Variants in CADM2 observed in about 807,000 individuals in gnomAD.
The protein encoded by CADM2 is immunoglobulin superfamily member 4D.
CADM2 carries 12 observed loss-of-function variants against 49.8 expected under a neutral mutation model. That is an observed-to-expected ratio of 0.24 (90% CI 0.15 to 0.39). CADM2 has a LOEUF of 0.39. Among genes scored for constraint, CADM2 ranks in the 10% least tolerant of loss-of-function variants. CADM2 has a pLI of 1.00. For synonymous variants in CADM2, 214 were observed against 175.4 expected, an observed-to-expected ratio of 1.22 and a Z score of -1.74; for missense variants, 378 against 492.3, an observed-to-expected ratio of 0.77 and a Z score of 2.20.
In CADM2 at chr3:85,204,138, T is replaced by G. The variant is rs577455906; in HGVS notation, c.61+244470T>G. ...CAACAATTTAAATAATCCCTCAGAA[T>G]TTAGTTTTTTCATTGTTTTTAAAAA... On this transcript the variant is annotated intron_variant, in intron 1 of 9. Transcript: ENST00000383699. Among the ~76,000 whole-genome samples, 316 of 152,298 alleles carry G rather than the reference T, an allele frequency of 2.1e-3. 1 individual carries two copies. Among genetic ancestry groups the G allele is most frequent in the African/African-American group, 7.2e-3 (299 of 41,590 alleles).
intron 1 of CADM2, among the ~76,000 whole-genome samples, chr3:85,635,185 A>G (rs1483181170): frequency 6.6e-6 from 1 of 152,148 alleles, no homozygotes. Context: ...TTTAAAAAAT[A>G]CAATCTCATG....
At chr3:85,974,550 G>A (rs181280239) in intron 8 of CADM2, among the ~76,000 whole-genome samples, 74 of 151,700 alleles carry the variant, frequency 4.9e-4, no homozygotes, top group African/African-American at 1.7e-3. Flanking sequence ...TCAGAGTCAC[G>A]CAGGTTAAGC....
At chr3:85,911,060 A>G (rs976171308) in intron 5 of CADM2, among the ~76,000 whole-genome samples, 2 of 152,106 alleles carry the variant, frequency 1.3e-5, no homozygotes, top group Non-Finnish European at 2.9e-5. Context: ...TAAATTACTT[A>G]ATATAAGTTA....
chr3:85,668,018 T>C (rs1212974891), intron 1 of CADM2, among the ~76,000 whole-genome samples: 3 of 152,010 alleles, frequency 2.0e-5, no homozygotes, highest in Non-Finnish European at 2.9e-5. Flanking sequence ...TGTTGACTCA[T>C]AGTAGACCTT....
intron 1 of CADM2, among the ~76,000 whole-genome samples, chr3:85,406,919 G>T: frequency 6.6e-6 from 1 of 152,120 alleles, no homozygotes; most frequent in East Asian, 1.9e-4. Flanking sequence ...AATACGACCA[G>T]GGTACAGTGG....
chr3:86,014,288 T>C (rs1731931938), intron 8 of CADM2: 1 of 1,343,258 alleles, frequency 7.4e-7, no homozygotes, highest in African/African-American at 1.5e-5. Context: ...TTACTATTGT[T>C]GTTCTTAAAA....
intron 1 of CADM2, among the ~76,000 whole-genome samples, chr3:85,272,234 T>C (rs1410689764): frequency 6.6e-6 from 1 of 151,124 alleles, no homozygotes; most frequent in African/African-American, 2.4e-5. Context: ...GAAAAGAAAA[T>C]CCTTTCCTCA....
At chr3:85,460,903 T>C (rs2038216279) in intron 1 of CADM2, among the ~76,000 whole-genome samples, 1 of 152,174 alleles carries the variant, frequency 6.6e-6, no homozygotes, top group South Asian at 2.1e-4. Context: ...AAATTGTTCC[T>C]TGTTGCAATG....
intron 1 of CADM2, among the ~76,000 whole-genome samples, chr3:85,068,295 T>C (rs181370006): frequency 1.5e-3 from 223 of 152,224 alleles, no homozygotes; most frequent in African/African-American, 5.0e-3. Context: ...TATTTATCCA[T>C]CATTTCCTCA....
At chr3:85,978,095 G>C (rs1197149804) in intron 8 of CADM2, among the ~76,000 whole-genome samples, 1 of 151,582 alleles carries the variant, frequency 6.6e-6, no homozygotes, top group Non-Finnish European at 1.5e-5. Flanking sequence ...CCTCAGCACA[G>C]TAATTATTGG....
intron 1 of CADM2, among the ~76,000 whole-genome samples, chr3:85,423,438 T>A (rs2036265358): frequency 6.6e-6 from 1 of 152,144 alleles, no homozygotes; most frequent in Non-Finnish European, 1.5e-5. Context: ...TGTATCAATG[T>A]GACTAATTAA....
chr3:85,854,718 G>C (rs1017407266), intron 3 of CADM2, among the ~76,000 whole-genome samples: 1 of 152,056 alleles, frequency 6.6e-6, no homozygotes, highest in Non-Finnish European at 1.5e-5. Context: ...TATATAGCAT[G>C]TGTATACCTA....
At chr3:85,531,829 G>A (rs1252387355) in intron 1 of CADM2, among the ~76,000 whole-genome samples, 1 of 152,114 alleles carries the variant, frequency 6.6e-6, no homozygotes, top group Admixed American at 6.6e-5. Context: ...AATTGCTTGT[G>A]ATAATCCCCA....
intron 1 of CADM2, among the ~76,000 whole-genome samples, chr3:85,520,516 A>G (rs2061006393): frequency 6.6e-6 from 1 of 152,004 alleles, no homozygotes. Context: ...TGATACAGAA[A>G]CTTTATTTGC....
At chr3:85,419,785 C>A (rs1212729829) in intron 1 of CADM2, among the ~76,000 whole-genome samples, 1 of 152,076 alleles carries the variant, frequency 6.6e-6, no homozygotes, top group Non-Finnish European at 1.5e-5. Flanking sequence ...AATAAACCTG[C>A]CTTTTTATCA....
At chr3:85,898,516 A>G (rs1715585436) in intron 5 of CADM2, among the ~76,000 whole-genome samples, 1 of 151,438 alleles carries the variant, frequency 6.6e-6, no homozygotes, top group Non-Finnish European at 1.5e-5. Flanking sequence ...ACAATAGATT[A>G]GTTTGCATTT....
At position 84,977,225 on chromosome 3, in the gene CADM2, G is replaced by T. The variant is rs144876201; in HGVS notation, c.61+17557G>T. Among the ~76,000 whole-genome samples, 148 of 152,026 alleles carry T rather than the reference G, an allele frequency of 9.7e-4. No individual in the cohort carries two copies. In the East Asian group the frequency reaches 0.028, roughly 28 times the overall value. On this transcript the variant is annotated intron_variant, in intron 1 of 9. Coordinates refer to ENST00000383699, the MANE Select transcript of CADM2 (RefSeq NM_001167675.2). ...TTTATAGCTGATATCAGCAAATCAA[G>T]GTTTGATGGACCCAGTGGGTACTGA...
At chr3:85,940,540 A>G (rs1721766191) in intron 7 of CADM2, among the ~76,000 whole-genome samples, 1 of 152,164 alleles carries the variant, frequency 6.6e-6, no homozygotes, top group African/African-American at 2.4e-5. Flanking sequence ...TAAAATATGT[A>G]CTTTAAAATA....
At chr3:85,939,088 G>A (rs953323304) in intron 7 of CADM2, among the ~76,000 whole-genome samples, 2 of 151,912 alleles carry the variant, frequency 1.3e-5, no homozygotes, top group African/African-American at 2.4e-5. Context: ...CTGGTGTTCC[G>A]AACCTGCCCT....
Sources: gnomAD v4.1 joint callset for allele counts (sites outside exome capture counted in the v4.1 genomes callset) on GRCh38, gnomAD v4.1.1 for gene constraint, MANE v1.5 for transcripts, NCBI Gene and HGNC (gene_info 2026-07-23, HGNC 2026-07-21) for gene names.